TBX18: variants seen among roughly 807,000 people sequenced by gnomAD.
TBX18 encodes T-box transcription factor TBX18.
A neutral mutation model predicts 55.0 loss-of-function variants in TBX18; 21 were observed. The ratio of observed to expected loss-of-function variants is 0.38; its 90% confidence interval spans 0.27 to 0.55. The LOEUF (loss-of-function observed/expected upper bound fraction) is 0.55. Ranked by LOEUF, TBX18 falls within the 20% of genes least tolerant of loss-of-function variation. TBX18 has a pLI of 0.73. For synonymous variants in TBX18, 342 were observed against 326.1 expected, an observed-to-expected ratio of 1.05 and a Z score of -0.53; for missense variants, 840 against 799.6, an observed-to-expected ratio of 1.05 and a Z score of -0.61.
In TBX18 at chr6:84,737,276, A is replaced by T. The variant is rs754496186; in HGVS notation, c.1233T>A (p.Ser411Arg). ...HLGPNTSQLCSLAPADYSACA... is the reference protein window; with the variant it reads ...HLGPNTSQLCRLAPADYSACA... ...AGGCAGAATAGTCAGCAGGGGCCAG[A>T]CTACACAGCTGGCTGGTGTTGGGCC... Residue 411 changes from serine to arginine, a missense_variant, in exon 8 of 8, where the codon AGT becomes AGA. Transcript: ENST00000369663. 16 of 1,608,806 alleles carry T rather than the reference A, an allele frequency of 9.9e-6. No homozygotes were observed. Among genetic ancestry groups the T allele is most frequent in the Middle Eastern group, 1.7e-4 (1 of 6,026 alleles).
At chr6:84,763,159 A>G in intron 1 of TBX18, 1 of 361,400 alleles carries the variant, frequency 2.8e-6, no homozygotes, top group Non-Finnish European at 5.3e-6. Context: ...TGCGCCTCGA[A>G]GCGCAAGCAG....
chr6:84,749,325 G>C (rs1290349509), intron 4 of TBX18, among the ~76,000 whole-genome samples: 1 of 152,200 alleles, frequency 6.6e-6, no homozygotes, highest in African/African-American at 2.4e-5. Context: ...GGGAAATGTA[G>C]TGGTTGGCCT....
chr6:84,749,706 T>G lies in TBX18; in HGVS notation c.772-1619A>C, dbSNP rs570536681. Among the ~76,000 whole-genome samples, 5 of 152,104 alleles carry G rather than the reference T, an allele frequency of 3.3e-5. No individual in the cohort carries two copies. The East Asian group carries it at 9.7e-4, about 30-fold the overall frequency. On this transcript the variant is annotated intron_variant, in intron 4 of 7. Coordinates refer to ENST00000369663, the MANE Select transcript of TBX18 (RefSeq NM_001080508.3). ...TTCTAGAAATTCTGGAAATTTCTCTTTGTTCTATGTAAAGGGAAGAATTTT... is the reference window on the plus strand; with the variant it reads ...TTCTAGAAATTCTGGAAATTTCTCTGTGTTCTATGTAAAGGGAAGAATTTT...
chr6:84,736,842 C>T lies in TBX18; in HGVS notation c.1667G>A (p.Gly556Glu). The change falls in exon 8 of 8, where the codon GGG becomes GAG. Residue 556 changes from glycine (G) to glutamate (E), a missense_variant. Physicochemically the swap from Gly to Glu is moderately conservative, Grantham distance 98 (BLOSUM62 -2). Transcript: ENST00000369663. ...CGTCATGGTCCCACTCGGTGAGGAC[C>T]CCAAGAAACTTCCTTGGGAAGAAAC... is the stretch of plus-strand genomic sequence containing the variant. ...KIVSSQGSFL[G>E]SSPSGTMTDR... The T allele has an allele frequency of 6.2e-7, 1 of 1,613,672 alleles. No homozygotes were observed. Among genetic ancestry groups the T allele is most frequent in the South Asian group, 1.1e-5 (1 of 90,936 alleles).
At chr6:84,759,730 T>C (rs1005784747) in intron 3 of TBX18, among the ~76,000 whole-genome samples, 24 of 152,028 alleles carry the variant, frequency 1.6e-4, no homozygotes, top group Non-Finnish European at 3.1e-4. Context: ...TAGTGATGTC[T>C]TAATATCACA....
rs1773846676 is a variant in TBX18, at chr6:84,733,070, T to C, written c.*3615A>G. ...ATCCATAGTCTCAAACTAAGTTCTCTAATTCCCGAGGACATGTTATTCTCA... is the reference window on the plus strand; with the variant it reads ...ATCCATAGTCTCAAACTAAGTTCTCCAATTCCCGAGGACATGTTATTCTCA... On this transcript the variant is annotated 3_prime_UTR_variant, in exon 8 of 8. Coordinates refer to ENST00000369663, the MANE Select transcript of TBX18 (RefSeq NM_001080508.3). The C allele has an allele frequency of 6.6e-6, 1 of 152,176 alleles. No individual in the cohort carries two copies. 9.4% of individuals were successfully genotyped at this position (152,176 alleles called of 1,614,324 possible). A position where few individuals can be genotyped will look rare whatever the true frequency, so the allele number is the denominator to read the frequency against.
At chr6:84,745,988 A>G (rs182003581) in intron 5 of TBX18, among the ~76,000 whole-genome samples, 9 of 152,302 alleles carry the variant, frequency 5.9e-5, no homozygotes, top group Admixed American at 1.3e-4. Flanking sequence ...ATTAACCACT[A>G]ATCTGCTAAC....
intron 7 of TBX18, 148 bp downstream of exon 7, chr6:84,738,349 A>G (rs559920475): frequency 1.4e-6 from 1 of 729,178 alleles, no homozygotes; most frequent in East Asian, 2.5e-5. Flanking sequence ...CCATCCCCAT[A>G]CCATGCAGAA....
At chr6:84,762,411 C>T (rs1883873) in intron 2 of TBX18, 133 bp downstream of exon 2, 315,140 of 1,061,428 alleles carry the variant, frequency 0.3, 50,331 homozygotes, top group Middle Eastern at 0.36. Context: ...CGGTCTGGGG[C>T]CTGGTCCCGT....
chr6:84,761,096 G>GT (rs1240829226), intron 2 of TBX18, among the ~76,000 whole-genome samples: 1 of 152,176 alleles, frequency 6.6e-6, no homozygotes, highest in Non-Finnish European at 1.5e-5. Context: ...AGATGCTAGA[G>GT]TAAATGCACC....
intron 4 of TBX18, among the ~76,000 whole-genome samples, chr6:84,756,189 A>G (rs1767480659): frequency 6.6e-6 from 1 of 152,246 alleles, no homozygotes; most frequent in African/African-American, 2.4e-5. Flanking sequence ...AGCAGTTTTA[A>G]GAATAAAAGG....
rs1766883401 is a variant in TBX18 at position 84,736,969 on chromosome 6, G to A, written c.1540C>T (p.His514Tyr). The change falls in exon 8 of 8, where the codon CAT (histidine) becomes TAT (tyrosine). Residue 514 changes from histidine (H) to tyrosine (Y), a missense_variant. By Grantham distance (83) the His-to-Tyr change is moderately conservative (BLOSUM62 2). Coordinates refer to ENST00000369663, the MANE Select transcript of TBX18 (RefSeq NM_001080508.3). The stretch of plus-strand genomic sequence containing the variant: ...CTAAAAGTATTATAGGAACCCTGAT[G>A]GGTCTGGTTAGTGGCGAAGGCATTG... ...SSNAFATNQT[H>Y]QGSYNTFRLH... is the part of the protein sequence containing the mutation. 4.3e-6 allele frequency: 7 copies of A among 1,609,850 alleles called. No individual in the cohort carries two copies. Among genetic ancestry groups the A allele is most frequent in the Non-Finnish European group, 5.9e-6 (7 of 1,177,312 alleles).
chr6:84,738,100 G>A lies in TBX18; in HGVS notation c.1099+397C>T, dbSNP rs79803211. ...CTGAATGTGCCTGACCTTCCTCATC[G>A]TTAACCCAACAGGAGAACCCTACCC... On this transcript the variant is annotated intron_variant, in intron 7 of 7. Coordinates refer to ENST00000369663, the MANE Select transcript of TBX18 (RefSeq NM_001080508.3). Among the ~76,000 whole-genome samples the A allele has an allele frequency of 4.1e-3, 631 of 152,194 alleles. 3 individuals are homozygous for A. Among genetic ancestry groups the A allele is most frequent in the African/African-American group, 0.014 (590 of 41,522 alleles).
At chr6:84,755,165 G>A (rs1562264455) in intron 4 of TBX18, among the ~76,000 whole-genome samples, 1 of 151,930 alleles carries the variant, frequency 6.6e-6, no homozygotes, top group Non-Finnish European at 1.5e-5. Context: ...CTAATATTTA[G>A]TACATTAGAT....
intron 5 of TBX18, among the ~76,000 whole-genome samples, chr6:84,747,058 T>G (rs1767215635): frequency 6.6e-6 from 1 of 152,026 alleles, no homozygotes; most frequent in South Asian, 2.1e-4. Flanking sequence ...GATCCAAATC[T>G]TCTAAGAAGC....
At chr6:84,750,581 G>C (rs1008605750) in intron 4 of TBX18, among the ~76,000 whole-genome samples, 8 of 152,008 alleles carry the variant, frequency 5.3e-5, no homozygotes, top group African/African-American at 1.9e-4. Context: ...GAAAACTAAG[G>C]TCTACACAAG....
rs72910769 is a variant in TBX18, at chr6:84,761,390, A to C, written c.498-1034T>G. On this transcript the variant is annotated intron_variant, in intron 2 of 7. Transcript: ENST00000369663. ...AACAGTTTAATACGCTGGCTGTTTT[A>C]GTATTATTTCAGTGCACCTGTAAGA... Among the ~76,000 whole-genome samples, 312 of 152,314 alleles carry C rather than the reference A, an allele frequency of 2.0e-3. 2 individuals are homozygous for C. The highest frequency in any genetic ancestry group is 9.3e-3 in the South Asian group (45 of 4,830).
At chr6:84,742,606 C>T (rs1767073430) in intron 6 of TBX18, 1 of 152,056 alleles carries the variant, frequency 6.6e-6, no homozygotes, top group African/African-American at 2.4e-5. Context: ...CAAAAATGGA[C>T]TATATACAAG....
chr6:84,743,515 C>A (rs989489495), intron 6 of TBX18, among the ~76,000 whole-genome samples: 3 of 152,178 alleles, frequency 2.0e-5, no homozygotes, highest in Non-Finnish European at 1.5e-5. Context: ...AGAAGCCTTA[C>A]TCTGAAAAGG....
Sources: allele counts gnomAD v4.1 joint callset (sites outside exome capture counted in the v4.1 genomes callset), GRCh38; gene constraint gnomAD v4.1.1; transcripts MANE v1.5; gene names NCBI Gene and HGNC (gene_info 2026-07-23, HGNC 2026-07-21).